USP34: variants seen among roughly 807,000 people sequenced by gnomAD.
USP34 encodes ubiquitin specific peptidase 34.
A neutral mutation model predicts 460.3 loss-of-function variants in USP34; 70 were observed. That is an observed-to-expected ratio of 0.15 (90% CI 0.13 to 0.19). USP34 has a LOEUF of 0.19. USP34 is among the 10% of genes least tolerant of loss of function. The pLI is 1.00. For synonymous variants in USP34, 1,647 were observed against 1,405.3 expected (o/e 1.17, Z -3.85); for missense variants, 3,985 against 4,236.2 (o/e 0.94, Z 1.65).
chr2:61,404,628 T>A (rs1693815757), intron 3 of USP34, among the ~76,000 whole-genome samples: 1 of 152,108 alleles, frequency 6.6e-6, no homozygotes, highest in Non-Finnish European at 1.5e-5. Flanking sequence ...GAGCCCCAGA[T>A]AACAGCCACT....
chr2:61,287,316 C>G (rs1689719757), intron 34 of USP34, among the ~76,000 whole-genome samples: 1 of 152,204 alleles, frequency 6.6e-6, no homozygotes, highest in African/African-American at 2.4e-5. Flanking sequence ...AAAATGAGAT[C>G]TCCCTAAAAT....
intron 51 of USP34, among the ~76,000 whole-genome samples, chr2:61,243,130 G>A (rs1339990979): frequency 2.6e-5 from 4 of 151,778 alleles, no homozygotes; most frequent in South Asian, 2.1e-4. Flanking sequence ...ACAGGCCTGA[G>A]CCACCATGCC....
In USP34 at chr2:61,348,232, A is replaced by G. The variant is rs1691832269; in HGVS notation, c.1923T>C (p.Asp641=). 1 of 1,614,058 alleles carries G rather than the reference A, an allele frequency of 6.2e-7. No homozygotes were observed. Among genetic ancestry groups the G allele is most frequent in the Admixed American group, 1.7e-5 (1 of 59,992 alleles). The change falls in exon 15 of 80, where the codon GAT becomes GAC. Residue 641 remains aspartate (D), a synonymous_variant. Coordinates refer to ENST00000398571, the MANE Select transcript of USP34 (RefSeq NM_014709.4). The part of the protein sequence containing the change: ...HNPPKSSCGT[D]LRNRKLESQA... ...GACTCTCTAACTTTCTATTCCGAAG[A>G]TCTGTACCACAACTGCTTTTGGGAG...
At chr2:61,314,459 C>CA (rs951095951) in intron 25 of USP34, 126 bp downstream of exon 25, 1 of 829,332 alleles carries the variant, frequency 1.2e-6, no homozygotes, top group Non-Finnish European at 1.7e-6. Flanking sequence ...ACTGATCCTT[C>CA]ACTTTGGTAA....
intron 3 of USP34, among the ~76,000 whole-genome samples, chr2:61,403,713 C>A (rs138788487): frequency 0.017 from 2,647 of 152,074 alleles, 81 homozygotes; most frequent in African/African-American, 0.06. Flanking sequence ...AGAGGCTGGG[C>A]GCAGCGGCTC....
At chr2:61,229,479 A>AAG in intron 59 of USP34, 69 bp downstream of exon 59, 4 of 804,168 alleles carry the variant, frequency 5.0e-6, no homozygotes, top group Non-Finnish European at 6.7e-6. Context: ...AAAAAAACAA[A>AAG]AAAAAAAAAC....
intron 18 of USP34, 90 bp from the exon 19 acceptor site, chr2:61,334,061 A>T: frequency 1.0e-5 from 9 of 898,744 alleles, no homozygotes; most frequent in Non-Finnish European, 1.5e-5. Flanking sequence ...AAAAGATTTA[A>T]TGAATCTTGC....
At chr2:61,291,712 A>C (rs557638056) in intron 33 of USP34, among the ~76,000 whole-genome samples, 19 of 152,334 alleles carry the variant, frequency 1.2e-4, no homozygotes, top group Non-Finnish European at 1.8e-4. Flanking sequence ...AATCACAATA[A>C]AATACCACTT....
intron 1 of USP34, among the ~76,000 whole-genome samples, chr2:61,468,123 G>C (rs1553397284): frequency 6.6e-6 from 1 of 151,694 alleles, no homozygotes; most frequent in Non-Finnish European, 1.5e-5. Context: ...GATAAGCAAA[G>C]AACTACAGAA....
At chr2:61,285,403 C>T (rs1012740272) in intron 34 of USP34, among the ~76,000 whole-genome samples, 15 of 151,138 alleles carry the variant, frequency 9.9e-5, no homozygotes, top group Admixed American at 2.0e-4. Flanking sequence ...GGGAGGAACA[C>T]CTGAGTCTGG....
At chr2:61,196,898 CAAAA>C (rs754621049) in intron 75 of USP34, among the ~76,000 whole-genome samples, 4 of 151,978 alleles carry the variant, frequency 2.6e-5, no homozygotes, top group Admixed American at 6.5e-5. Flanking sequence ...CCACGACAAA[CAAAA>C]AAATACCATA....
intron 1 of USP34, among the ~76,000 whole-genome samples, chr2:61,462,759 G>C (rs1424442443): frequency 1.3e-5 from 2 of 151,314 alleles, no homozygotes; most frequent in Non-Finnish European, 2.9e-5. Flanking sequence ...TACTTGGGAG[G>C]GTGAGGCACA....
intron 5 of USP34, among the ~76,000 whole-genome samples, chr2:61,394,533 CAAAAAAAAAA>C (rs200686763): frequency 1.8e-5 from 2 of 110,062 alleles, no homozygotes; most frequent in African/African-American, 3.6e-5. Context: ...CCCTCTCTCT[CAAAAAAAAAA>C]AAAAAAAAAA....
chr2:61,373,207 G>A (rs371561009), intron 8 of USP34, among the ~76,000 whole-genome samples: 13 of 151,720 alleles, frequency 8.6e-5, no homozygotes, highest in Middle Eastern at 6.8e-3. Flanking sequence ...TGTCACACTA[G>A]AATCTATATA....
chr2:61,342,137 G>A (rs972680751), intron 16 of USP34, among the ~76,000 whole-genome samples: 1 of 152,026 alleles, frequency 6.6e-6, no homozygotes, highest in Non-Finnish European at 1.5e-5. Flanking sequence ...TCAACAGCAA[G>A]TTATGACAGT....
At chr2:61,371,444 T>TTA (rs1558555277) in intron 8 of USP34, among the ~76,000 whole-genome samples, 1 of 142,616 alleles carries the variant, frequency 7.0e-6, no homozygotes, top group Non-Finnish European at 1.5e-5. Context: ...ATTAAAAAGT[T>TTA]AAAAAAAAAA....
chr2:61,298,037 T>C (rs1278449530), intron 29 of USP34, among the ~76,000 whole-genome samples: 7 of 151,870 alleles, frequency 4.6e-5, no homozygotes, highest in Admixed American at 1.3e-4. Context: ...TTGAATTCTA[T>C]GCAAAAAAGG....
rs1558576064 is a variant in USP34 at position 61,406,009 on chromosome 2, T to A, written c.251A>T (p.His84Leu). The part of the protein sequence containing the change: ...VQVLRDQLCK[H>L]CTTINIDSTW... ...GGAATCTATGTTAATGGTAGTACAATGTTTACAAAGCTGGTCCCGGAGCAC... is the reference window on the plus strand; with the variant it reads ...GGAATCTATGTTAATGGTAGTACAAAGTTTACAAAGCTGGTCCCGGAGCAC... The change falls in exon 3 of 80, where the codon CAT becomes CTT. Residue 84 changes from histidine to leucine, a missense_variant. His to Leu is a moderately conservative substitution (Grantham distance 99). Coordinates refer to ENST00000398571, the MANE Select transcript of USP34 (RefSeq NM_014709.4). The A allele has an allele frequency of 6.2e-7, 1 of 1,613,886 alleles. No individual in the cohort carries two copies.
At chr2:61,286,399 T>C (rs560397880) in intron 34 of USP34, among the ~76,000 whole-genome samples, 34 of 152,244 alleles carry the variant, frequency 2.2e-4, no homozygotes, top group African/African-American at 7.9e-4. Context: ...CTCACACCTA[T>C]AATCCCAGCA....
Sources: allele counts gnomAD v4.1 joint callset (sites outside exome capture counted in the v4.1 genomes callset), GRCh38; gene constraint gnomAD v4.1.1; transcripts MANE v1.5; gene names NCBI Gene and HGNC (gene_info 2026-07-23, HGNC 2026-07-21).